SRGAP1: variants seen among roughly 807,000 people sequenced by gnomAD.
The protein encoded by SRGAP1 is SLIT-ROBO Rho GTPase-activating protein 1.
SRGAP1 carries 43 observed loss-of-function variants against 121.9 expected under a neutral mutation model. The ratio of observed to expected loss-of-function variants is 0.35; its 90% confidence interval spans 0.28 to 0.46. The LOEUF (loss-of-function observed/expected upper bound fraction) is 0.46, where lower values mean the gene tolerates loss of function less well. Among genes scored for constraint, SRGAP1 ranks in the 20% least tolerant of loss-of-function variants. SRGAP1 has a pLI of 1.00. For synonymous variants in SRGAP1, 447 were observed against 485.4 expected (o/e 0.92, Z 1.04); for missense variants, 1,102 against 1,350.9 (o/e 0.82, Z 2.89).
chr12:63,996,018 G>GT (rs199810294), intron 3 of SRGAP1, among the ~76,000 whole-genome samples: 275 of 145,016 alleles, frequency 1.9e-3, no homozygotes, highest in Middle Eastern at 0.015. Context: ...CTCTGACCTT[G>GT]TTTTTTTTTT....
chr12:64,096,093 G>A (rs181147986), intron 14 of SRGAP1, among the ~76,000 whole-genome samples: 3 of 152,280 alleles, frequency 2.0e-5, no homozygotes. Flanking sequence ...TCATGCATTG[G>A]CCATCTTCAG....
intron 1 of SRGAP1, among the ~76,000 whole-genome samples, chr12:63,974,830 T>A (rs2033050888): frequency 6.6e-6 from 1 of 152,172 alleles, no homozygotes; most frequent in Admixed American, 6.5e-5. Flanking sequence ...ATAACTCTTC[T>A]GGACTAGGGT....
intron 18 of SRGAP1, among the ~76,000 whole-genome samples, chr12:64,117,340 G>A (rs1291350619): frequency 1.3e-4 from 20 of 152,074 alleles, no homozygotes; most frequent in Non-Finnish European, 2.2e-4. Context: ...GTTTGGTTTC[G>A]CTTGGTTTTG....
chr12:64,047,322 G>A (rs2035150618), intron 6 of SRGAP1, among the ~76,000 whole-genome samples: 1 of 152,092 alleles, frequency 6.6e-6, no homozygotes, highest in Non-Finnish European at 1.5e-5. Flanking sequence ...AATCCAATTT[G>A]CATATATAGT....
intron 1 of SRGAP1, among the ~76,000 whole-genome samples, chr12:63,949,897 T>C (rs2032234187): frequency 6.6e-6 from 1 of 152,180 alleles, no homozygotes; most frequent in South Asian, 2.1e-4. Flanking sequence ...TACACAAAAA[T>C]TCCCTTCCCT....
chr12:63,890,687 C>G (rs769921639), intron 1 of SRGAP1, among the ~76,000 whole-genome samples: 6 of 152,116 alleles, frequency 3.9e-5, no homozygotes, highest in Admixed American at 1.3e-4. Flanking sequence ...TGAGCTCCCC[C>G]AGGACAGGCC....
At chr12:63,893,385 G>A (rs111390046) in intron 1 of SRGAP1, among the ~76,000 whole-genome samples, 1,724 of 152,290 alleles carry the variant, frequency 0.011, 12 homozygotes, top group Non-Finnish European at 0.018. Flanking sequence ...GCCATCCCTG[G>A]CTAAGAAGAG....
At position 63,968,848 on chromosome 12, in the gene SRGAP1, C is replaced by T. The variant is rs577017223; in HGVS notation, c.68-15099C>T. 3.3e-5 allele frequency among the ~76,000 whole-genome samples: 5 copies of T among 152,356 alleles called. No homozygotes were observed. In the South Asian group the frequency reaches 1.0e-3, roughly 32 times the overall value. On this transcript the variant is annotated intron_variant, in intron 1 of 21. Coordinates refer to ENST00000355086, the MANE Select transcript of SRGAP1 (RefSeq NM_020762.4). ...TGCCCTGCAGACTGCTCGCTTGCCT[C>T]TGCTCATGGTTACTTGGCACCTGTG...
intron 12 of SRGAP1, among the ~76,000 whole-genome samples, chr12:64,092,487 T>C (rs2036072815): frequency 6.6e-6 from 1 of 151,946 alleles, no homozygotes; most frequent in Non-Finnish European, 1.5e-5. Context: ...CATACATACA[T>C]ACATACATAC....
chr12:63,956,735 T>G (rs903318184), intron 1 of SRGAP1, among the ~76,000 whole-genome samples: 1 of 151,188 alleles, frequency 6.6e-6, no homozygotes, highest in Non-Finnish European at 1.5e-5. Flanking sequence ...TTTTTTTTTT[T>G]TTTTTGCAGC....
At chr12:63,859,282 C>T (rs1899362906) in intron 1 of SRGAP1, among the ~76,000 whole-genome samples, 1 of 152,150 alleles carries the variant, frequency 6.6e-6, no homozygotes, top group Admixed American at 6.5e-5. Flanking sequence ...GCCTCAGCCT[C>T]CCAAGTAGCT....
At position 63,877,194 on chromosome 12, in the gene SRGAP1, A is replaced by C. The variant is rs553620474; in HGVS notation, c.67+32311A>C. ...AGCCGAGATTGCGCCATTACACTCC[A>C]GCTTGGGCAACAAGAGTGAAACTCC... On this transcript the variant is annotated intron_variant, in intron 1 of 21. Transcript: ENST00000355086. Among the ~76,000 whole-genome samples, 3 of 152,336 alleles carry C rather than the reference A, an allele frequency of 2.0e-5. No individual in the cohort carries two copies. The South Asian group carries it at 6.2e-4, about 32-fold the overall frequency.
At chr12:64,033,439 A>G (rs1047181743) in intron 4 of SRGAP1, among the ~76,000 whole-genome samples, 1 of 152,154 alleles carries the variant, frequency 6.6e-6, no homozygotes, top group Non-Finnish European at 1.5e-5. Flanking sequence ...TTTTGTGGCC[A>G]GGTGTGGTGG....
intron 3 of SRGAP1, among the ~76,000 whole-genome samples, chr12:64,003,468 G>A (rs1254794320): frequency 1.5e-5 from 2 of 134,540 alleles, no homozygotes. Flanking sequence ...TGGAAAGCCA[G>A]GAAGTTTCAG....
chr12:63,955,628 T>C (rs961706568), intron 1 of SRGAP1, among the ~76,000 whole-genome samples: 1 of 152,140 alleles, frequency 6.6e-6, no homozygotes, highest in African/African-American at 2.4e-5. Context: ...ATTCTCAATG[T>C]TGGTTTTCTT....
intron 3 of SRGAP1, among the ~76,000 whole-genome samples, chr12:63,996,067 C>T (rs999504585): frequency 6.6e-6 from 1 of 150,408 alleles, no homozygotes; most frequent in Admixed American, 6.6e-5. Context: ...CTGAAAACTA[C>T]CAATCTCTAT....
At position 64,142,777 on chromosome 12, in the gene SRGAP1, G is replaced by A; in HGVS notation, c.*105G>A. 3 of 1,458,000 alleles carry A rather than the reference G, an allele frequency of 2.1e-6. No homozygotes were observed. In the South Asian group the frequency reaches 4.3e-5, roughly 21 times the overall value. 90.3% of individuals were successfully genotyped at this position (1,458,000 alleles called of 1,614,324 possible). ...TTTCCTTAGTTTTGTGCTTATAACTGGAGATCTTTTGGCTTTTCTATGTTG... is the reference window on the plus strand; with the variant it reads ...TTTCCTTAGTTTTGTGCTTATAACTAGAGATCTTTTGGCTTTTCTATGTTG... On this transcript the variant is annotated 3_prime_UTR_variant, in exon 22 of 22. Coordinates refer to ENST00000355086, the MANE Select transcript of SRGAP1 (RefSeq NM_020762.4).
intron 4 of SRGAP1, among the ~76,000 whole-genome samples, chr12:64,018,016 A>G (rs993445105): frequency 1.3e-5 from 2 of 152,050 alleles, no homozygotes; most frequent in African/African-American, 4.8e-5. Context: ...TTTTAAGAGA[A>G]TAAAATAACA....
chr12:64,099,923 G>A (rs1179675078), intron 15 of SRGAP1, among the ~76,000 whole-genome samples: 2 of 152,186 alleles, frequency 1.3e-5, no homozygotes, highest in Non-Finnish European at 2.9e-5. Flanking sequence ...TTTAATAACT[G>A]AGGCCATAGA....
Sources: allele counts gnomAD v4.1 joint callset (sites outside exome capture counted in the v4.1 genomes callset), GRCh38; gene constraint gnomAD v4.1.1; transcripts MANE v1.5; gene names NCBI Gene and HGNC (gene_info 2026-07-23, HGNC 2026-07-21).